The following PIAS1 variants were observed in gnomAD, a reference collection of about 807,000 sequenced individuals.
The protein encoded by PIAS1 is E3 SUMO-protein ligase PIAS1.
PIAS1 carries 6 observed loss-of-function variants against 71.3 expected under a neutral mutation model. That is an observed-to-expected ratio of 0.08 (90% confidence interval 0.05 to 0.17). The LOEUF (loss-of-function observed/expected upper bound fraction) is 0.17, where lower values mean the gene tolerates loss of function less well. PIAS1 is among the 10% of genes least tolerant of loss of function. The pLI is 1.00. For synonymous variants in PIAS1, 303 were observed against 292.9 expected (o/e 1.03, Z -0.35); for missense variants, 555 against 793.6 (o/e 0.70, Z 3.61).
chr15:68,088,186 A>G lies in PIAS1; in HGVS notation c.469+1436A>G, dbSNP rs1032117231. Among the ~76,000 whole-genome samples the G allele has an allele frequency of 2.8e-3, 391 of 140,382 alleles. 11 individuals carry two copies. The highest frequency in any genetic ancestry group is 9.7e-3 in the African/African-American group (367 of 37,978). The allele number at this position is 140,382 out of a possible 152,430, so 92.1% of individuals were successfully genotyped here. On this transcript the variant is annotated intron_variant, in intron 2 of 13. Coordinates refer to ENST00000249636, the MANE Select transcript of PIAS1 (RefSeq NM_016166.3). Reference sequence around the variant, plus strand: ...TCTGATTATGTGTGTGTATATATATATATATATATATATATCCCATTTTAA... The same window carrying G: ...TCTGATTATGTGTGTGTATATATATGTATATATATATATATCCCATTTTAA...
intron 2 of PIAS1, among the ~76,000 whole-genome samples, chr15:68,126,433 T>C (rs1322132467): frequency 6.6e-6 from 1 of 152,160 alleles, no homozygotes; most frequent in African/African-American, 2.4e-5. Flanking sequence ...TTTTAAACAA[T>C]AACTAGTTAA....
At chr15:68,099,835 G>A (rs950291083) in intron 2 of PIAS1, among the ~76,000 whole-genome samples, 5 of 151,842 alleles carry the variant, frequency 3.3e-5, no homozygotes, top group African/African-American at 1.2e-4. Flanking sequence ...TATGTATGTA[G>A]CGATAACTCA....
At chr15:68,114,913 GTTCTC>G (rs1479714370) in intron 2 of PIAS1, among the ~76,000 whole-genome samples, 2 of 151,952 alleles carry the variant, frequency 1.3e-5, no homozygotes, top group African/African-American at 4.8e-5. Flanking sequence ...ATTGTGGGCA[GTTCTC>G]TTCTTTCTTG....
Position 68,193,822 on chromosome 15 carries a change from CTT to C in PIAS1, c.*5990_*5991del. ...GGTAGTTAATAAAATCAATACAAAT[CTT>C]TTATTAAAGATCTACTCATACCATG... On this transcript the variant is annotated 3_prime_UTR_variant, in exon 14 of 14. Coordinates refer to ENST00000249636, the MANE Select transcript of PIAS1 (RefSeq NM_016166.3). 1.8e-6 allele frequency: 1 copy of C among 554,698 alleles called. No homozygotes were observed. The highest frequency in any genetic ancestry group is 3.2e-6 in the Non-Finnish European group (1 of 311,444). 34.4% of individuals were successfully genotyped at this position (554,698 alleles called of 1,614,324 possible).
At chr15:68,124,644 C>G (rs1047093080) in intron 2 of PIAS1, among the ~76,000 whole-genome samples, 1 of 152,058 alleles carries the variant, frequency 6.6e-6, no homozygotes, top group South Asian at 2.1e-4. Context: ...TCTCTTGAAC[C>G]GGGAGGCAGA....
intron 1 of PIAS1, among the ~76,000 whole-genome samples, chr15:68,080,974 T>C (rs577152154): frequency 6.4e-4 from 97 of 152,294 alleles, no homozygotes; most frequent in Non-Finnish European, 1.2e-3. Flanking sequence ...AGTGTAGATA[T>C]AACCTTCAAT....
chr15:68,054,451 A>C lies in PIAS1; in HGVS notation c.24+101A>C. On this transcript the variant is annotated intron_variant, in intron 1 of 13. Coordinates refer to ENST00000249636, the MANE Select transcript of PIAS1 (RefSeq NM_016166.3). The surrounding 1 kb of genome is among the most constrained non-coding windows in gnomAD (Gnocchi z 4.6). ...GACCCTGGGGGGCCTCTCGGGCCTG[A>C]CTCCACCCGGGCCTGGAGTTGTAGG... 7.8e-7 allele frequency: 1 copy of C among 1,277,748 alleles called. No individual in the cohort carries two copies. Among genetic ancestry groups the C allele is most frequent in the Non-Finnish European group, 1.1e-6 (1 of 907,086 alleles). 79.2% of individuals were successfully genotyped at this position (1,277,748 alleles called of 1,614,324 possible). A position where few individuals can be genotyped will look rare whatever the true frequency, so the allele number is the denominator to read the frequency against.
intron 2 of PIAS1, among the ~76,000 whole-genome samples, chr15:68,123,501 G>C (rs912193670): frequency 1.3e-5 from 2 of 152,110 alleles, no homozygotes; most frequent in Non-Finnish European, 2.9e-5. Context: ...CATATGTCAT[G>C]TATCTATTTT....
At chr15:68,140,920 T>C (rs2092765891) in intron 2 of PIAS1, among the ~76,000 whole-genome samples, 1 of 152,210 alleles carries the variant, frequency 6.6e-6, no homozygotes, top group South Asian at 2.1e-4. Context: ...TCTTAAAATT[T>C]TGTATTCCTT....
At chr15:68,118,910 GCA>G (rs911840308) in intron 2 of PIAS1, among the ~76,000 whole-genome samples, 1 of 152,056 alleles carries the variant, frequency 6.6e-6, no homozygotes, top group African/African-American at 2.4e-5. Context: ...AACCTTGAAA[GCA>G]CAGAGAACAA....
chr15:68,187,190 C>A lies in PIAS1; in HGVS notation c.1663-352C>A. 6.6e-6 allele frequency among the ~76,000 whole-genome samples: 1 copy of A among 152,178 alleles called. No homozygotes were observed. The highest frequency in any genetic ancestry group is 1.5e-5 in the Non-Finnish European group (1 of 68,030). ...TCATATTGACTGATAGATTTCTTGG[C>A]TAAGTATCTCCTTACTAGCAAGAGC... On this transcript the variant is annotated intron_variant, in intron 13 of 13. Coordinates refer to ENST00000249636, the MANE Select transcript of PIAS1 (RefSeq NM_016166.3). The surrounding 1 kb of genome is among the most constrained non-coding windows in gnomAD (Gnocchi z 5.3).
chr15:68,120,242 CTTTT>C (rs373966418), intron 2 of PIAS1, among the ~76,000 whole-genome samples: 1 of 145,894 alleles, frequency 6.9e-6, no homozygotes, highest in African/African-American at 2.5e-5. Context: ...TTATAGTTGT[CTTTT>C]TTTTTTTAAC....
intron 7 of PIAS1, among the ~76,000 whole-genome samples, chr15:68,162,191 A>T (rs1478211874): frequency 6.6e-6 from 1 of 152,104 alleles, no homozygotes; most frequent in Non-Finnish European, 1.5e-5. Context: ...GGCTATCCCT[A>T]GGTCCTATGC....
intron 1 of PIAS1, among the ~76,000 whole-genome samples, chr15:68,071,211 C>G (rs1051675709): frequency 7.5e-6 from 1 of 133,080 alleles, no homozygotes; most frequent in South Asian, 3.1e-4. Flanking sequence ...CCCCCGCCCC[C>G]CCGCCCCTAC....
Position 68,173,718 on chromosome 15 carries a change from C to A in PIAS1, c.1009-14C>A. 6.7e-7 allele frequency: 1 copy of A among 1,500,440 alleles called. No individual in the cohort carries two copies. The highest frequency in any genetic ancestry group is 9.0e-7 in the Non-Finnish European group (1 of 1,113,842). The allele number at this position is 1,500,440 out of a possible 1,614,324, so 92.9% of individuals were successfully genotyped here. A position where few individuals can be genotyped will look rare whatever the true frequency, so the allele number is the denominator to read the frequency against. ...AGCAATTATCTAATATTTACTTTTT[C>A]TCCCTTTTTAAAGCTTGGTAAAATG... On this transcript the variant is annotated splice_polypyrimidine_tract_variant and intron_variant, in intron 8 of 13. Coordinates refer to ENST00000249636, the MANE Select transcript of PIAS1 (RefSeq NM_016166.3). This position sits in a 1 kb window ranked among gnomAD's most constrained non-coding sequence, Gnocchi z 4.3.
rs546373030 is a variant in PIAS1 at position 68,105,814 on chromosome 15, T to A, written c.469+19064T>A. On this transcript the variant is annotated intron_variant, in intron 2 of 13. Transcript: ENST00000249636. ...AGCAAAACGCCATCTCTAAAAAAAA[T>A]TTTTTTTAAATAAATAACTAACAGT... Among the ~76,000 whole-genome samples the A allele has an allele frequency of 1.5e-3, 234 of 152,066 alleles. 4 individuals carry two copies. The highest frequency in any genetic ancestry group is 5.3e-3 in the African/African-American group (218 of 41,466).
At chr15:68,080,203 G>T (rs776620777) in intron 1 of PIAS1, among the ~76,000 whole-genome samples, 2 of 152,160 alleles carry the variant, frequency 1.3e-5, no homozygotes, top group Non-Finnish European at 2.9e-5. Context: ...TTCATGAAAT[G>T]TGGTAGTATA....
At chr15:68,060,607 C>T (rs989175139) in intron 1 of PIAS1, among the ~76,000 whole-genome samples, 11 of 151,858 alleles carry the variant, frequency 7.2e-5, no homozygotes, top group South Asian at 2.1e-4. Flanking sequence ...AGTGAGACTC[C>T]GTCTCAAAAA....
chr15:68,172,672 C>T (rs1239280465), intron 8 of PIAS1, among the ~76,000 whole-genome samples: 4 of 152,150 alleles, frequency 2.6e-5, no homozygotes, highest in Non-Finnish European at 5.9e-5. Context: ...ATATGGTGGC[C>T]ATTGTGGGAT....
Sources: gnomAD v4.1 joint callset for allele counts (sites outside exome capture counted in the v4.1 genomes callset) on GRCh38, gnomAD v4.1.1 for gene constraint, Gnocchi (gnomAD v3.1) non-coding constraint, MANE v1.5 for transcripts, NCBI Gene and HGNC (gene_info 2026-07-23, HGNC 2026-07-21) for gene names.